ARRB1: variants seen among roughly 807,000 people sequenced by gnomAD.
ARRB1 encodes beta-arrestin-1.
Under a neutral mutation model 56.8 loss-of-function variants are expected in ARRB1, and 21 were observed. That is an observed-to-expected ratio of 0.37 (90% CI 0.26 to 0.53). The LOEUF (loss-of-function observed/expected upper bound fraction) is 0.53, where lower values mean the gene tolerates loss of function less well. Among genes scored for constraint, ARRB1 ranks in the 20% least tolerant of loss-of-function variants. The pLI, the probability that ARRB1 is intolerant of heterozygous loss-of-function variation, is 0.88. For missense variants in ARRB1, 424 were observed against 553.7 expected, an observed-to-expected ratio of 0.77 and a Z score of 2.35; for synonymous variants, 210 against 218.6, an observed-to-expected ratio of 0.96 and a Z score of 0.35.
At chr11:75,309,309 C>T (rs75220805) in intron 1 of ARRB1, among the ~76,000 whole-genome samples, 14,846 of 152,374 alleles carry the variant, frequency 0.097, 962 homozygotes, top group Non-Finnish European at 0.14. Flanking sequence ...CTATTTCACA[C>T]CCCTGCCTTG....
intron 1 of ARRB1, 40 bp downstream of exon 1, chr11:75,351,547 GC>G: frequency 6.7e-7 from 1 of 1,496,470 alleles, no homozygotes; most frequent in South Asian, 1.2e-5. Context: ...CGCCGAGGTC[GC>G]CCCCACGCGC....
At chr11:75,323,443 A>G (rs1279344555) in intron 1 of ARRB1, among the ~76,000 whole-genome samples, 1 of 152,042 alleles carries the variant, frequency 6.6e-6, no homozygotes, top group Non-Finnish European at 1.5e-5. Flanking sequence ...ACATGGTAAA[A>G]TCCTCATCTC....
intron 1 of ARRB1, among the ~76,000 whole-genome samples, chr11:75,319,753 G>A (rs1267397566): frequency 6.6e-6 from 1 of 152,190 alleles, no homozygotes; most frequent in African/African-American, 2.4e-5. Context: ...CTGTAAGCCA[G>A]GAGGAGCAGA....
chr11:75,297,024 A>C (rs747766940), intron 1 of ARRB1, among the ~76,000 whole-genome samples: 8 of 152,246 alleles, frequency 5.3e-5, no homozygotes, highest in African/African-American at 9.6e-5. Context: ...GGAAATGCCT[A>C]TCATAGAATA....
Position 75,318,174 on chromosome 11 carries a change from T to A in ARRB1, c.21-28135A>T, listed in dbSNP as rs56248650. ...TTTTTTTTTTTTTTTTTTTTTTTTT[T>A]GAGAGAGAGAGAGATTGGATCTCAC... is the stretch of plus-strand genomic sequence containing the variant. On this transcript the variant is annotated intron_variant, in intron 1 of 15. Transcript: ENST00000420843. Among the ~76,000 whole-genome samples the A allele has an allele frequency of 1.0e-3, 110 of 106,652 alleles. 1 individual carries two copies. The highest frequency in any genetic ancestry group is 2.7e-3 in the African/African-American group (72 of 26,766). 70.0% of individuals were successfully genotyped at this position (106,652 alleles called of 152,430 possible).
At chr11:75,277,812 GC>G (rs1946233765) in intron 8 of ARRB1, among the ~76,000 whole-genome samples, 2 of 152,216 alleles carry the variant, frequency 1.3e-5, no homozygotes, top group African/African-American at 4.8e-5. Context: ...CTGGGCTCCA[GC>G]CCTGGCTTGG....
chr11:75,326,471 T>G (rs181329282), intron 1 of ARRB1, among the ~76,000 whole-genome samples: 7 of 152,308 alleles, frequency 4.6e-5, no homozygotes, highest in Non-Finnish European at 1.0e-4. Flanking sequence ...AATAAAAATT[T>G]TGTTATTCCT....
intron 1 of ARRB1, 36 bp from the exon 2 acceptor site, chr11:75,290,075 G>A (rs368644906): frequency 6.8e-6 from 11 of 1,613,446 alleles, no homozygotes; most frequent in East Asian, 2.2e-5. Context: ...CAGGGTTCGC[G>A]TATCCTGCCC....
At chr11:75,311,836 C>G (rs1022177911) in intron 1 of ARRB1, among the ~76,000 whole-genome samples, 3 of 152,208 alleles carry the variant, frequency 2.0e-5, no homozygotes, top group African/African-American at 4.8e-5. Context: ...GGCAGCACCC[C>G]ACTTCGGCCC....
intron 1 of ARRB1, among the ~76,000 whole-genome samples, chr11:75,298,972 G>T (rs1946830226): frequency 1.3e-5 from 2 of 151,312 alleles, no homozygotes; most frequent in Admixed American, 6.6e-5. Context: ...TCTGTTAACA[G>T]AAGGCTGCAT....
intron 1 of ARRB1, among the ~76,000 whole-genome samples, chr11:75,299,274 A>T (rs186375493): frequency 6.6e-6 from 1 of 151,684 alleles, no homozygotes; most frequent in African/African-American, 2.4e-5. Flanking sequence ...AGAGAGAATG[A>T]AAAAAAGGAA....
At chr11:75,289,499 C>T (rs1351439341) in intron 2 of ARRB1, among the ~76,000 whole-genome samples, 2 of 152,190 alleles carry the variant, frequency 1.3e-5, no homozygotes, top group Non-Finnish European at 2.9e-5. Context: ...TACACCCTGC[C>T]CCTGTCCCCG....
chr11:75,314,023 C>G (rs1402654873), intron 1 of ARRB1, among the ~76,000 whole-genome samples: 1 of 152,194 alleles, frequency 6.6e-6, no homozygotes, highest in Non-Finnish European at 1.5e-5. Flanking sequence ...TGGCCTCTGT[C>G]CAGCCTCCAG....
At chr11:75,333,658 T>G (rs974290737) in intron 1 of ARRB1, among the ~76,000 whole-genome samples, 1 of 152,056 alleles carries the variant, frequency 6.6e-6, no homozygotes, top group Non-Finnish European at 1.5e-5. Flanking sequence ...GGAGAGGATT[T>G]TATTACCCCC....
chr11:75,321,370 G>A (rs548666970), intron 1 of ARRB1, among the ~76,000 whole-genome samples: 1 of 151,704 alleles, frequency 6.6e-6, no homozygotes, highest in South Asian at 2.1e-4. Context: ...GCCAGGCTTG[G>A]AGCCCAAGGG....
chr11:75,271,769 C>T, intron 12 of ARRB1, 45 bp from the exon 13 acceptor site: 1 of 1,548,720 alleles, frequency 6.5e-7, no homozygotes, highest in South Asian at 1.2e-5. Context: ...GGAGAGAGTT[C>T]AGAGAGGAAG....
At chr11:75,303,580 G>C (rs548416432) in intron 1 of ARRB1, 1 of 455,918 alleles carries the variant, frequency 2.2e-6, no homozygotes, top group Non-Finnish European at 4.4e-6. Flanking sequence ...CAAATCTCTG[G>C]GCCTGGGGCT....
At chr11:75,342,994 G>A (rs1303241697) in intron 1 of ARRB1, among the ~76,000 whole-genome samples, 1 of 152,022 alleles carries the variant, frequency 6.6e-6, no homozygotes, top group Non-Finnish European at 1.5e-5. Flanking sequence ...GATGTCCTAT[G>A]GTCCTCACCA....
chr11:75,333,393 G>C (rs1947550328), intron 1 of ARRB1, among the ~76,000 whole-genome samples: 1 of 152,212 alleles, frequency 6.6e-6, no homozygotes, highest in African/African-American at 2.4e-5. Flanking sequence ...TTGCCAACCA[G>C]TTCAGGGTGT....
Sources: allele counts gnomAD v4.1 joint callset (sites outside exome capture counted in the v4.1 genomes callset), GRCh38; gene constraint gnomAD v4.1.1; transcripts MANE v1.5; gene names NCBI Gene and HGNC (gene_info 2026-07-23, HGNC 2026-07-21).